AFF2: variants seen among roughly 807,000 people sequenced by gnomAD.
AFF2 encodes the protein ALF transcription elongation factor 2, also known as AF4/FMR2 family member 2.
AFF2 carries 14 observed loss-of-function variants against 76.9 expected under a neutral mutation model. That is an observed-to-expected ratio of 0.18 (90% CI 0.12 to 0.28). The LOEUF (loss-of-function observed/expected upper bound fraction) is 0.28, where lower values mean the gene tolerates loss of function less well. Ranked by LOEUF, AFF2 falls within the 10% of genes least tolerant of loss-of-function variation. AFF2 has a pLI of 1.00. For synonymous variants in AFF2, 398 were observed against 366.7 expected (o/e 1.09, Z -0.98); for missense variants, 868 against 1,001.1 (o/e 0.87, Z 1.79).
intron 4 of AFF2, among the ~76,000 whole-genome samples, chrX:148,833,248 G>T (rs1448124303): frequency 3.6e-5 from 4 of 111,341 alleles, no homozygotes; most frequent in Non-Finnish European, 5.7e-5. Context: ...CCCTCTCAAG[G>T]TGATTCGCAT....
At chrX:148,906,937 C>T (rs782454446) in intron 9 of AFF2, among the ~76,000 whole-genome samples, 2 of 111,734 alleles carry the variant, frequency 1.8e-5, no homozygotes, top group African/African-American at 6.5e-5. Context: ...CTGGGTTCAT[C>T]CTAATCAGGC....
At chrX:148,873,322 C>G (rs908895704) in intron 7 of AFF2, among the ~76,000 whole-genome samples, 24 of 110,607 alleles carry the variant, frequency 2.2e-4, no homozygotes, top group Non-Finnish European at 1.1e-4. Flanking sequence ...CAGTGAAGGA[C>G]TGGGCCTTGC....
chrX:148,662,795 G>A (rs2054321655), intron 3 of AFF2, 27 bp downstream of exon 3: 2 of 1,186,459 alleles, frequency 1.7e-6, no homozygotes, highest in Non-Finnish European at 2.3e-6. Flanking sequence ...GTTTTGTTTG[G>A]TTTCACTTTT....
intron 1 of AFF2, among the ~76,000 whole-genome samples, chrX:148,625,787 T>C (rs1187673270): frequency 8.9e-6 from 1 of 111,809 alleles, no homozygotes; most frequent in Non-Finnish European, 1.9e-5. Flanking sequence ...CAAAGACTGT[T>C]ATCACCAATG....
intron 3 of AFF2, among the ~76,000 whole-genome samples, chrX:148,767,287 G>GTAGT: frequency 9.0e-6 from 1 of 111,273 alleles, no homozygotes; most frequent in Non-Finnish European, 1.9e-5. Context: ...TGATTAAAAG[G>GTAGT]TAGTTGTAAA....
chrX:148,664,562 A>G (rs1483749885), intron 3 of AFF2, among the ~76,000 whole-genome samples: 1 of 111,299 alleles, frequency 9.0e-6, no homozygotes, highest in Non-Finnish European at 1.9e-5. Flanking sequence ...CACCTTCTAT[A>G]TGCCCTGATT....
At chrX:148,777,986 T>G (rs2124608189) in intron 3 of AFF2, among the ~76,000 whole-genome samples, 1 of 112,000 alleles carries the variant, frequency 8.9e-6, no homozygotes, top group African/African-American at 3.2e-5. Flanking sequence ...TTGTCTGTGG[T>G]TTTGTCATAA....
chrX:148,598,944 T>C (rs1231242478), intron 1 of AFF2, among the ~76,000 whole-genome samples: 2 of 112,719 alleles, frequency 1.8e-5, no homozygotes, highest in African/African-American at 3.2e-5. Flanking sequence ...TAAATAATTA[T>C]GGTTTTCTCA....
intron 4 of AFF2, among the ~76,000 whole-genome samples, chrX:148,831,539 C>T (rs2070453902): frequency 8.9e-6 from 1 of 112,343 alleles, no homozygotes; most frequent in African/African-American, 3.2e-5. Flanking sequence ...TAACCCTACT[C>T]CTGCTATTGT....
intron 1 of AFF2, among the ~76,000 whole-genome samples, chrX:148,616,951 A>G (rs1452347088): frequency 2.9e-4 from 32 of 111,262 alleles, no homozygotes; most frequent in Non-Finnish European, 4.5e-4. Flanking sequence ...TATGTGCCAC[A>G]TTTTCTTAAT....
chrX:148,913,547 A>G (rs1053160399), intron 9 of AFF2, among the ~76,000 whole-genome samples: 2 of 112,287 alleles, frequency 1.8e-5, no homozygotes, highest in Non-Finnish European at 3.8e-5. Context: ...TTTAGGTGTT[A>G]AATTAATACC....
At chrX:148,901,543 G>T (rs1358812243) in intron 8 of AFF2, among the ~76,000 whole-genome samples, 5 of 111,990 alleles carry the variant, frequency 4.5e-5, no homozygotes, top group Non-Finnish European at 9.4e-5. Context: ...ATTGTGCTAT[G>T]TCACTTCCTT....
chrX:148,773,158 T>G (rs781873883), intron 3 of AFF2, among the ~76,000 whole-genome samples: 1 of 111,722 alleles, frequency 9.0e-6, no homozygotes, highest in South Asian at 3.7e-4. Flanking sequence ...ATATAAAAAA[T>G]ACTAGAAGAC....
intron 1 of AFF2, among the ~76,000 whole-genome samples, chrX:148,504,642 C>T (rs185726326): frequency 0.035 from 4,013 of 113,084 alleles, 62 homozygotes; most frequent in Middle Eastern, 0.051. Flanking sequence ...CCGGCCAGGC[C>T]TCTCCTCCTC....
chrX:148,899,210 T>G lies in AFF2; in HGVS notation c.1360-5011T>G, dbSNP rs782678283. Among the ~76,000 whole-genome samples, 5 of 112,208 alleles carry G rather than the reference T, an allele frequency of 4.5e-5. No homozygotes were observed. The South Asian group carries it at 1.5e-3, about 34-fold the overall frequency. The stretch of plus-strand genomic sequence containing the variant: ...CTGGGGTTTAGCCTACAGGATACAT[T>G]GTCTTTTGCCATTTTACTCATTCCA... On this transcript the variant is annotated intron_variant, in intron 8 of 20. Transcript: ENST00000370460.
intron 1 of AFF2, among the ~76,000 whole-genome samples, chrX:148,627,176 A>G (rs1557252230): frequency 3.6e-5 from 4 of 112,496 alleles, no homozygotes. Flanking sequence ...TGATCCCGCC[A>G]TTGCACTCCA....
chrX:148,751,690 C>G (rs1304079505), intron 3 of AFF2, among the ~76,000 whole-genome samples: 2 of 111,480 alleles, frequency 1.8e-5, no homozygotes, highest in African/African-American at 6.5e-5. Flanking sequence ...TCCTGGGTAG[C>G]CAAATAGCAG....
chrX:148,997,781 C>T lies in AFF2; in HGVS notation c.*6449C>T, dbSNP rs1186572853. ...GACCAGTTTTCACAGCTACAAAGAG[C>T]TAGAAATGTGTTTAACATCATCCAG... On this transcript the variant is annotated 3_prime_UTR_variant, in exon 21 of 21. Transcript: ENST00000370460. 1.8e-5 allele frequency: 2 copies of T among 112,358 alleles called. No individual in the cohort carries two copies. The highest frequency in any genetic ancestry group is 5.6e-4 in the East Asian group (2 of 3,597). 9.3% of individuals were successfully genotyped at this position (112,358 alleles called of 1,213,427 possible). A position where few individuals can be genotyped will look rare whatever the true frequency, so the allele number is the denominator to read the frequency against.
intron 7 of AFF2, among the ~76,000 whole-genome samples, chrX:148,881,073 C>T (rs1339138882): frequency 3.6e-5 from 4 of 111,981 alleles, no homozygotes; most frequent in Non-Finnish European, 7.5e-5. Context: ...GAATCAGTCA[C>T]CAGCATTGCA....
Sources: gnomAD v4.1 joint callset for allele counts (sites outside exome capture counted in the v4.1 genomes callset) on GRCh38, gnomAD v4.1.1 for gene constraint, MANE v1.5 for transcripts, NCBI Gene and HGNC (gene_info 2026-07-23, HGNC 2026-07-21) for gene names.